The following LARP1B variants were observed in gnomAD, a reference collection of about 807,000 sequenced individuals.
LARP1B encodes La ribonucleoprotein 1B, also known as la-related protein 1B.
A neutral mutation model predicts 114.2 loss-of-function variants in LARP1B; 76 were observed. The ratio of observed to expected loss-of-function variants is 0.67; its 90% CI spans 0.55 to 0.81. The LOEUF (loss-of-function observed/expected upper bound fraction) is 0.81, where lower values mean the gene tolerates loss of function less well. Among genes scored for constraint, LARP1B ranks in the 30% least tolerant of loss-of-function variants. The pLI is 0.00. For missense variants in LARP1B, 1,014 were observed against 1,075.8 expected, an observed-to-expected ratio of 0.94 and a Z score of 0.80; for synonymous variants, 345 against 348.0, an observed-to-expected ratio of 0.99 and a Z score of 0.10.
chr4:128,122,479 T>C, intron 11 of LARP1B: 1 of 1,526,996 alleles, frequency 6.5e-7, no homozygotes, highest in Non-Finnish European at 8.7e-7. Context: ...GTTTTTGTTT[T>C]AGGTGACAAT....
intron 15 of LARP1B, among the ~76,000 whole-genome samples, chr4:128,197,673 A>G (rs1179919737): frequency 1.3e-5 from 2 of 152,058 alleles, no homozygotes; most frequent in African/African-American, 4.8e-5. Flanking sequence ...CAGCCTGGCA[A>G]CAGAGCGACA....
intron 5 of LARP1B, among the ~76,000 whole-genome samples, chr4:128,086,799 T>C (rs1434282930): frequency 6.6e-6 from 1 of 152,104 alleles, no homozygotes; most frequent in Non-Finnish European, 1.5e-5. Flanking sequence ...TTATAAATTA[T>C]TCCATTAGTC....
At chr4:128,193,897 C>T (rs1753120053) in intron 15 of LARP1B, among the ~76,000 whole-genome samples, 2 of 152,096 alleles carry the variant, frequency 1.3e-5, no homozygotes, top group South Asian at 4.1e-4. Flanking sequence ...GGATTACAGG[C>T]GTGAGCCACT....
Position 128,178,551 on chromosome 4 carries a change from C to T in LARP1B, c.1805C>T (p.Pro602Leu). The stretch of plus-strand genomic sequence containing the variant: ...CCTAGAATTCATCCTACAAGAACAC[C>T]CAAAACACCTCGAACACCTAGGTTA... ...ESPRIHPTRT[P>L]KTPRTPRLQD... The change falls in exon 14 of 20, where the codon CCC (proline) becomes CTC (leucine). Residue 602 changes from proline to leucine, a missense_variant. Transcript: ENST00000326639. 1 of 1,613,980 alleles carries T rather than the reference C, an allele frequency of 6.2e-7. No homozygotes were observed. The highest frequency in any genetic ancestry group is 8.5e-7 in the Non-Finnish European group (1 of 1,179,976).
At chr4:128,189,126 A>G (rs1419499209) in intron 15 of LARP1B, among the ~76,000 whole-genome samples, 1 of 152,040 alleles carries the variant, frequency 6.6e-6, no homozygotes, top group Non-Finnish European at 1.5e-5. Context: ...ATTATAGTCT[A>G]TCTCTCCTCT....
intron 17 of LARP1B, among the ~76,000 whole-genome samples, chr4:128,204,852 A>C (rs1757115403): frequency 9.4e-6 from 1 of 106,092 alleles, no homozygotes; most frequent in South Asian, 4.1e-4. Flanking sequence ...GTGTACCCAC[A>C]AAAATTTTAA....
At chr4:128,136,002 A>G (rs1254038159) in intron 11 of LARP1B, among the ~76,000 whole-genome samples, 1 of 152,108 alleles carries the variant, frequency 6.6e-6, no homozygotes, top group Non-Finnish European at 1.5e-5. Context: ...AGAAAACTTA[A>G]TACACATAGG....
At chr4:128,179,994 A>G (rs1301055728) in intron 15 of LARP1B, among the ~76,000 whole-genome samples, 3 of 152,182 alleles carry the variant, frequency 2.0e-5, no homozygotes, top group African/African-American at 7.2e-5. Context: ...AAGAAAATTA[A>G]TTAAAAAAAG....
downstream of LARP1B, among the ~76,000 whole-genome samples, chr4:128,212,379 C>T (rs962979887): frequency 2.6e-5 from 4 of 152,110 alleles, no homozygotes; most frequent in Non-Finnish European, 5.9e-5. Flanking sequence ...CATGGTGGCT[C>T]ATGCCTGTAA....
At chr4:128,200,217 G>A (rs1432427759) in intron 16 of LARP1B, among the ~76,000 whole-genome samples, 2 of 152,144 alleles carry the variant, frequency 1.3e-5, no homozygotes, top group African/African-American at 4.8e-5. Context: ...TTGGCACCAG[G>A]GACCTGTTTC....
intron 3 of LARP1B, among the ~76,000 whole-genome samples, chr4:128,075,971 G>A (rs1282914937): frequency 1.3e-5 from 2 of 152,032 alleles, no homozygotes; most frequent in Admixed American, 6.6e-5. Context: ...TAGTTTACCC[G>A]CTTTTCAGAT....
chr4:128,082,517 C>G (rs2149464830), intron 5 of LARP1B, among the ~76,000 whole-genome samples: 1 of 152,272 alleles, frequency 6.6e-6, no homozygotes, highest in Middle Eastern at 3.4e-3. Flanking sequence ...ATGTGATTGT[C>G]CACAGGCAGA....
chr4:128,208,477 A>G (rs565841486), intron 19 of LARP1B, among the ~76,000 whole-genome samples: 1 of 152,330 alleles, frequency 6.6e-6, no homozygotes, highest in East Asian at 1.9e-4. Context: ...GATAGGGTTA[A>G]TAAAAGTGCC....
intron 12 of LARP1B, among the ~76,000 whole-genome samples, chr4:128,164,604 A>G (rs1259164889): frequency 1.3e-5 from 2 of 152,180 alleles, no homozygotes; most frequent in Admixed American, 1.3e-4. Context: ...GGCTATTTTT[A>G]CTGAGGTTTT....
At chr4:128,129,971 C>T (rs1377288381) in intron 11 of LARP1B, among the ~76,000 whole-genome samples, 1 of 152,146 alleles carries the variant, frequency 6.6e-6, no homozygotes, top group Non-Finnish European at 1.5e-5. Flanking sequence ...TTTTTAGATT[C>T]AATACCAAAA....
intron 7 of LARP1B, among the ~76,000 whole-genome samples, chr4:128,093,717 T>C (rs1224504418): frequency 7.1e-6 from 1 of 140,416 alleles, no homozygotes; most frequent in African/African-American, 3.2e-5. Flanking sequence ...AACTTTTTTT[T>C]TTTTTTTTTT....
intron 1 of LARP1B, among the ~76,000 whole-genome samples, chr4:128,066,980 T>A (rs746665133): frequency 2.1e-4 from 31 of 150,868 alleles, no homozygotes; most frequent in South Asian, 6.3e-4. Flanking sequence ...TATTTTTTTT[T>A]AATTTTTACT....
chr4:128,122,499 G>A (rs1420033376), intron 11 of LARP1B: 34 of 1,522,984 alleles, frequency 2.2e-5, no homozygotes, highest in Non-Finnish European at 5.2e-6. Context: ...TACTGAGAAC[G>A]CCCTTTCTCG....
At chr4:128,098,085 T>C (rs770999511) in intron 7 of LARP1B, 101 bp from the exon 8 acceptor site, 14 of 915,716 alleles carry the variant, frequency 1.5e-5, no homozygotes, top group Admixed American at 2.3e-5. Flanking sequence ...CAAATTACAA[T>C]ATTTTCATGT....
Sources: allele counts gnomAD v4.1 joint callset (sites outside exome capture counted in the v4.1 genomes callset), GRCh38; gene constraint gnomAD v4.1.1; transcripts MANE v1.5; gene names NCBI Gene and HGNC (gene_info 2026-07-23, HGNC 2026-07-21).